The following DOCK3 variants were observed in gnomAD, a reference collection of about 807,000 sequenced individuals.
DOCK3 encodes the protein dedicator of cytokinesis protein 3.
DOCK3 carries 60 observed loss-of-function variants against 265.6 expected under a neutral mutation model. The observed-to-expected ratio is 0.23, with a 90% CI of 0.18 to 0.28. The LOEUF is 0.28. Ranked by LOEUF, DOCK3 falls within the 10% of genes least tolerant of loss-of-function variation. The pLI, the probability that DOCK3 is intolerant of heterozygous loss-of-function variation, is 1.00. For missense variants in DOCK3, 1,981 were observed against 2,594.3 expected, an observed-to-expected ratio of 0.76 and a Z score of 5.14; for synonymous variants, 881 against 938.0, an observed-to-expected ratio of 0.94 and a Z score of 1.11.
intron 2 of DOCK3, among the ~76,000 whole-genome samples, chr3:50,797,524 A>G (rs1689213502): frequency 6.6e-6 from 1 of 152,128 alleles, no homozygotes; most frequent in Admixed American, 6.5e-5. Context: ...CTTTCCAGCT[A>G]AATGTCAGCA....
intron 4 of DOCK3, among the ~76,000 whole-genome samples, chr3:50,932,729 G>A (rs2051137304): frequency 2.0e-5 from 3 of 151,962 alleles, no homozygotes; most frequent in Non-Finnish European, 4.4e-5. Context: ...CACCATAACT[G>A]GTTTTCTCCC....
intron 21 of DOCK3, among the ~76,000 whole-genome samples, chr3:51,244,007 G>A (rs1209365719): frequency 6.6e-6 from 1 of 152,114 alleles, no homozygotes; most frequent in Non-Finnish European, 1.5e-5. Flanking sequence ...TGATACCCTG[G>A]CCCCTTGACC....
At chr3:50,953,837 C>T (rs949798490) in intron 5 of DOCK3, among the ~76,000 whole-genome samples, 3 of 152,218 alleles carry the variant, frequency 2.0e-5, no homozygotes, top group Admixed American at 2.0e-4. Flanking sequence ...TAAGCTTTCA[C>T]GTGCACTCTT....
rs1283527925 is a variant in DOCK3, at chr3:51,277,726, G to A, written c.2795G>A (p.Arg932Gln). Residue 932 changes from arginine (R) to glutamine (Q), a missense_variant, in exon 26 of 53, where the codon CGG (arginine) becomes CAG (glutamine). Arg to Gln is a conservative substitution (Grantham distance 43, BLOSUM62 1). Transcript: ENST00000266037. ...GCTCAGGAGGCGGTAAGAGGGCAGC[G>A]GTGCCCGCAGTGCACAGCCGAGATC... ...SHAQEAVRGQ[R>Q]CPQCTAEITG... 16 of 1,611,496 alleles carry A rather than the reference G, an allele frequency of 9.9e-6. No individual in the cohort carries two copies. Among genetic ancestry groups the A allele is most frequent in the Admixed American group, 1.7e-5 (1 of 59,760 alleles).
Position 51,381,850 on chromosome 3 carries a change from G to A in DOCK3, c.*291G>A. On this transcript the variant is annotated 3_prime_UTR_variant, in exon 53 of 53. Coordinates refer to ENST00000266037, the MANE Select transcript of DOCK3 (RefSeq NM_004947.5). This position sits in a 1 kb window ranked among gnomAD's most constrained non-coding sequence, Gnocchi z 5.6. ...GATGCTTTCTTCCTCCTGCAGTTCT[G>A]GACCATGTGGAGCTACATGGAGAAA... is the stretch of plus-strand genomic sequence containing the variant. The A allele has an allele frequency of 3.0e-6, 1 of 329,624 alleles. No individual in the cohort carries two copies. Among genetic ancestry groups the A allele is most frequent in the Non-Finnish European group, 5.5e-6 (1 of 180,654 alleles). The allele number at this position is 329,624 out of a possible 1,614,324, so 20.4% of individuals were successfully genotyped here.
intron 5 of DOCK3, among the ~76,000 whole-genome samples, chr3:51,029,932 T>A (rs1376249776): frequency 6.6e-6 from 1 of 151,680 alleles, no homozygotes; most frequent in East Asian, 1.9e-4. Flanking sequence ...CCTGAGAAGA[T>A]CTCTAATTGC....
chr3:50,892,245 T>C (rs2048675363), intron 4 of DOCK3, among the ~76,000 whole-genome samples: 1 of 152,086 alleles, frequency 6.6e-6, no homozygotes, highest in Non-Finnish European at 1.5e-5. Context: ...TACTGTGTTG[T>C]AGTGGAATAG....
chr3:51,084,242 T>G (rs2082340267), intron 7 of DOCK3, among the ~76,000 whole-genome samples: 1 of 151,882 alleles, frequency 6.6e-6, no homozygotes, highest in African/African-American at 2.4e-5. Flanking sequence ...AGCTCAAATA[T>G]CCCCAAATAG....
intron 14 of DOCK3, among the ~76,000 whole-genome samples, chr3:51,220,687 A>ATGTGTGTGTG (rs760900578): frequency 0.015 from 1,016 of 67,416 alleles, 20 homozygotes; most frequent in Middle Eastern, 0.03. Flanking sequence ...ATATATATAT[A>ATGTGTGTGTG]TGTGTGTGTG....
intron 2 of DOCK3, chr3:50,786,779 A>G (rs150686902): frequency 1.1e-5 from 8 of 740,786 alleles, no homozygotes; most frequent in African/African-American, 6.8e-5. Context: ...CCACTGGCAC[A>G]TGAACTGTTT....
chr3:50,694,981 C>T (rs1027982422), intron 1 of DOCK3, among the ~76,000 whole-genome samples: 2 of 152,112 alleles, frequency 1.3e-5, no homozygotes, highest in East Asian at 1.9e-4. Flanking sequence ...GTAACTAAGC[C>T]GAAAGGTTAG....
chr3:51,356,637 T>A (rs2086383945), intron 43 of DOCK3, 144 bp downstream of exon 43: 4 of 791,694 alleles, frequency 5.1e-6, no homozygotes, highest in Non-Finnish European at 4.1e-6. Flanking sequence ...TGTGCTAGGA[T>A]CTTTGTGTAC....
At chr3:51,246,294 G>A (rs912490214) in intron 21 of DOCK3, among the ~76,000 whole-genome samples, 1 of 148,858 alleles carries the variant, frequency 6.7e-6, no homozygotes, top group African/African-American at 2.5e-5. Flanking sequence ...GTGCAGTGGC[G>A]CAGTCATGGC....
chr3:51,177,618 G>T (rs901618603), intron 12 of DOCK3, among the ~76,000 whole-genome samples: 1 of 152,138 alleles, frequency 6.6e-6, no homozygotes, highest in Non-Finnish European at 1.5e-5. Context: ...AAAATCAGAA[G>T]CCAAGAGCAA....
At chr3:51,369,307 A>T (rs2087499023) in intron 49 of DOCK3, among the ~76,000 whole-genome samples, 1 of 152,230 alleles carries the variant, frequency 6.6e-6, no homozygotes, top group Non-Finnish European at 1.5e-5. Context: ...AAAAGAGTAG[A>T]TGAATGGCTA....
Position 51,292,325 on chromosome 3 carries a change from G to C in DOCK3, c.2922+12121G>C, listed in dbSNP as rs560973551. On this transcript the variant is annotated intron_variant, in intron 27 of 52. Coordinates refer to ENST00000266037, the MANE Select transcript of DOCK3 (RefSeq NM_004947.5). The stretch of plus-strand genomic sequence containing the variant: ...GAAATGATGGAGTAGAATTGTCTCT[G>C]TTTGCCAATGACATGGTCATATATA... Among the ~76,000 whole-genome samples the C allele has an allele frequency of 2.6e-5, 4 of 152,248 alleles. No homozygotes were observed. In the South Asian group the frequency reaches 6.2e-4, roughly 24 times the overall value.
At chr3:51,243,646 T>C (rs2108538364) in intron 21 of DOCK3, among the ~76,000 whole-genome samples, 1 of 152,318 alleles carries the variant, frequency 6.6e-6, no homozygotes, top group East Asian at 1.9e-4. Flanking sequence ...TAAATATTTT[T>C]CCCAGTCACT....
intron 4 of DOCK3, among the ~76,000 whole-genome samples, chr3:50,891,486 C>T (rs2048638639): frequency 6.6e-6 from 1 of 152,006 alleles, no homozygotes; most frequent in African/African-American, 2.4e-5. Context: ...TGAACCTTTG[C>T]AACAAATAAT....
chr3:50,715,419 T>C (rs539100869), intron 1 of DOCK3, among the ~76,000 whole-genome samples: 1 of 152,078 alleles, frequency 6.6e-6, no homozygotes, highest in South Asian at 2.1e-4. Context: ...GGTGTGGTGG[T>C]GCGTATCTGT....
Sources: allele counts gnomAD v4.1 joint callset (sites outside exome capture counted in the v4.1 genomes callset), GRCh38; gene constraint gnomAD v4.1.1; non-coding constraint Gnocchi (gnomAD v3.1); transcripts MANE v1.5; gene names NCBI Gene and HGNC (gene_info 2026-07-23, HGNC 2026-07-21).